The following CNTNAP2 variants were observed in gnomAD, a reference collection of about 807,000 sequenced individuals.
CNTNAP2 encodes contactin-associated protein-like 2.
CNTNAP2 carries 98 observed loss-of-function variants against 155.2 expected under a neutral mutation model. The ratio of observed to expected loss-of-function variants is 0.63; its 90% CI spans 0.54 to 0.75. CNTNAP2 has a LOEUF of 0.75. CNTNAP2 is among the 30% of genes least tolerant of loss of function. CNTNAP2 has a pLI of 0.00. For synonymous variants in CNTNAP2, 651 were observed against 631.2 expected (o/e 1.03, Z -0.47); for missense variants, 1,727 against 1,688.1 (o/e 1.02, Z -0.40).
Position 147,414,834 on chromosome 7 carries a change from G to A in CNTNAP2, c.1670+19054G>A, listed in dbSNP as rs373510130. ...TGGGCGCCTGTAGTCCCAGCTACGC[G>A]GGAGGCTGAGGCAGGAGAATGGCGT... On this transcript the variant is annotated intron_variant, in intron 10 of 23. Coordinates refer to ENST00000361727, the MANE Select transcript of CNTNAP2 (RefSeq NM_014141.6). 1.3e-4 allele frequency among the ~76,000 whole-genome samples: 19 copies of A among 151,010 alleles called. No homozygotes were observed. The East Asian group carries it at 2.4e-3, about 19-fold the overall frequency.
chr7:148,309,611 G>T (rs1231729094), intron 21 of CNTNAP2, among the ~76,000 whole-genome samples: 1 of 152,052 alleles, frequency 6.6e-6, no homozygotes, highest in Non-Finnish European at 1.5e-5. Flanking sequence ...TGGCAGGAGT[G>T]GGGGTCACAG....
chr7:146,269,203 G>A (rs898168237), intron 1 of CNTNAP2, among the ~76,000 whole-genome samples: 3 of 152,134 alleles, frequency 2.0e-5, no homozygotes, highest in Non-Finnish European at 2.9e-5. Context: ...GGCCAGGCAC[G>A]GTGGCACGCG....
At chr7:147,085,969 A>T (rs1443538581) in intron 4 of CNTNAP2, 1 of 151,722 alleles carries the variant, frequency 6.6e-6, no homozygotes, top group Non-Finnish European at 1.5e-5. Context: ...TTTCCAAATA[A>T]ATTTTTCTTT....
intron 1 of CNTNAP2, among the ~76,000 whole-genome samples, chr7:146,144,022 G>T (rs7805261): frequency 2.6e-5 from 4 of 151,918 alleles, no homozygotes; most frequent in Non-Finnish European, 5.9e-5. Flanking sequence ...TCGGCCTCCC[G>T]ATATGCTAGG....
At chr7:146,575,564 G>T (rs1174146494) in intron 1 of CNTNAP2, among the ~76,000 whole-genome samples, 8 of 152,112 alleles carry the variant, frequency 5.3e-5, no homozygotes, top group Admixed American at 4.6e-4. Context: ...ATTTAAACTT[G>T]TCTATTACTA....
intron 1 of CNTNAP2, among the ~76,000 whole-genome samples, chr7:146,374,989 T>A (rs1174320856): frequency 6.6e-6 from 1 of 152,196 alleles, no homozygotes; most frequent in African/African-American, 2.4e-5. Flanking sequence ...TATTAAAGTG[T>A]GATTCAGATA....
chr7:147,088,631 T>C (rs999151677), intron 4 of CNTNAP2, among the ~76,000 whole-genome samples: 2 of 152,184 alleles, frequency 1.3e-5, no homozygotes, highest in Non-Finnish European at 2.9e-5. Flanking sequence ...AAGGGCCGTG[T>C]CAGGTCTTCT....
intron 8 of CNTNAP2, among the ~76,000 whole-genome samples, chr7:147,148,917 T>G (rs1801770680): frequency 6.6e-6 from 1 of 152,196 alleles, no homozygotes; most frequent in African/African-American, 2.4e-5. Flanking sequence ...CAGACCCTTG[T>G]GGTGGGTGTT....
intron 8 of CNTNAP2, among the ~76,000 whole-genome samples, chr7:147,174,392 C>T (rs1269794150): frequency 6.6e-6 from 1 of 152,090 alleles, no homozygotes; most frequent in Non-Finnish European, 1.5e-5. Context: ...GTAGTAGTTT[C>T]AAAGCACAGA....
At chr7:146,917,386 C>A (rs2129218916) in intron 3 of CNTNAP2, among the ~76,000 whole-genome samples, 1 of 152,168 alleles carries the variant, frequency 6.6e-6, no homozygotes, top group South Asian at 2.1e-4. Flanking sequence ...ATAACCTGTC[C>A]AGTGCTGTCA....
intron 1 of CNTNAP2, among the ~76,000 whole-genome samples, chr7:146,215,901 T>C (rs1046841957): frequency 3.9e-5 from 6 of 152,268 alleles, no homozygotes; most frequent in Admixed American, 2.6e-4. Flanking sequence ...CTGCCTTAGG[T>C]TGAGTTCTTC....
chr7:147,754,320 G>A (rs1266753806), intron 13 of CNTNAP2, among the ~76,000 whole-genome samples: 1 of 152,170 alleles, frequency 6.6e-6, no homozygotes, highest in Non-Finnish European at 1.5e-5. Context: ...GATAGTTACA[G>A]GGAAGAGTAA....
intron 13 of CNTNAP2, among the ~76,000 whole-genome samples, chr7:147,812,666 G>T (rs896533001): frequency 1.3e-5 from 2 of 152,048 alleles, no homozygotes; most frequent in African/African-American, 4.8e-5. Flanking sequence ...CTCTGCTCTC[G>T]CTGGTTTTCA....
At chr7:146,179,463 A>T (rs1798519734) in intron 1 of CNTNAP2, among the ~76,000 whole-genome samples, 1 of 152,162 alleles carries the variant, frequency 6.6e-6, no homozygotes, top group African/African-American at 2.4e-5. Context: ...TAATGATCCA[A>T]ACTAATTGAT....
chr7:147,440,523 T>C (rs1337521640), intron 10 of CNTNAP2, among the ~76,000 whole-genome samples: 1 of 152,168 alleles, frequency 6.6e-6, no homozygotes, highest in African/African-American at 2.4e-5. Context: ...GGTTACCATG[T>C]TATATTCTAT....
At chr7:146,417,468 A>G (rs762417841) in intron 1 of CNTNAP2, among the ~76,000 whole-genome samples, 15 of 152,142 alleles carry the variant, frequency 9.9e-5, no homozygotes, top group Non-Finnish European at 1.3e-4. Flanking sequence ...TTTGTGATTA[A>G]ATTGGAATTC....
intron 9 of CNTNAP2, among the ~76,000 whole-genome samples, chr7:147,377,621 T>A (rs772679907): frequency 2.6e-5 from 4 of 151,784 alleles, no homozygotes; most frequent in Non-Finnish European, 4.4e-5. Flanking sequence ...AATTTAAAAT[T>A]TTTTCATTTT....
intron 9 of CNTNAP2, among the ~76,000 whole-genome samples, chr7:147,311,536 G>C (rs961330981): frequency 6.6e-6 from 1 of 152,080 alleles, no homozygotes; most frequent in East Asian, 1.9e-4. Flanking sequence ...AAGCATCTGT[G>C]GACCCTATTT....
chr7:147,941,438 A>G (rs1800719877), intron 14 of CNTNAP2, among the ~76,000 whole-genome samples: 3 of 152,170 alleles, frequency 2.0e-5, no homozygotes, highest in Non-Finnish European at 4.4e-5. Flanking sequence ...CCCTAAAATA[A>G]TATTGGTAAC....
Sources: gnomAD v4.1 joint callset for allele counts (sites outside exome capture counted in the v4.1 genomes callset) on GRCh38, gnomAD v4.1.1 for gene constraint, MANE v1.5 for transcripts, NCBI Gene and HGNC (gene_info 2026-07-23, HGNC 2026-07-21) for gene names.